The following ARNT variants were observed in gnomAD, a reference collection of about 807,000 sequenced individuals.
The protein encoded by ARNT is aryl hydrocarbon receptor nuclear translocator.
Under a neutral mutation model 105.0 loss-of-function variants are expected in ARNT, and 30 were observed. That is an observed-to-expected ratio of 0.29 (90% CI 0.21 to 0.39). The LOEUF (loss-of-function observed/expected upper bound fraction) is 0.39, where lower values mean the gene tolerates loss of function less well. Ranked by LOEUF, ARNT falls within the 10% of genes least tolerant of loss-of-function variation. The pLI is 1.00. For missense variants in ARNT, 748 were observed against 978.7 expected, an observed-to-expected ratio of 0.76 and a Z score of 3.15; for synonymous variants, 304 against 344.0, an observed-to-expected ratio of 0.88 and a Z score of 1.29.
chr1:150,818,938 A>C (rs1250560903), intron 14 of ARNT, among the ~76,000 whole-genome samples: 1 of 152,280 alleles, frequency 6.6e-6, no homozygotes, highest in East Asian at 1.9e-4. Context: ...AAAGATGCAA[A>C]GAGACAAAAA....
At chr1:150,861,258 G>A (rs1326970066) in intron 1 of ARNT, 3 of 428,828 alleles carry the variant, frequency 7.0e-6, no homozygotes, top group Non-Finnish European at 1.4e-5. Context: ...TGTAGTCCCA[G>A]CTACTCGGGG....
intron 1 of ARNT, among the ~76,000 whole-genome samples, chr1:150,861,478 G>T (rs1317419085): frequency 6.6e-6 from 1 of 152,234 alleles, no homozygotes; most frequent in Non-Finnish European, 1.5e-5. Context: ...AGTCAAGGGT[G>T]AGGGCAACCC....
chr1:150,846,617 A>T (rs1312053757), intron 3 of ARNT, among the ~76,000 whole-genome samples: 7 of 152,126 alleles, frequency 4.6e-5, no homozygotes, highest in African/African-American at 1.7e-4. Flanking sequence ...GTTTTTTTTT[A>T]ATTCTGGTAA....
At position 150,876,597 on chromosome 1, in the gene ARNT, C is replaced by CA. The variant is rs1201546486; in HGVS notation, c.-31_-30insT. The CA allele has an allele frequency of 1.7e-5, 3 of 180,060 alleles. No individual in the cohort carries two copies. Among genetic ancestry groups the CA allele is most frequent in the Non-Finnish European group, 2.2e-5 (3 of 134,044 alleles). 11.2% of individuals were successfully genotyped at this position (180,060 alleles called of 1,614,324 possible). On this transcript the variant is annotated 5_prime_UTR_variant, in exon 1 of 22. Coordinates refer to ENST00000358595, the MANE Select transcript of ARNT (RefSeq NM_001668.4). ...GCAGATGCCACCGCCGCCGCGCCACCCCCCCCCCCAGTGGGAGGAGCCGCC... is the reference window on the plus strand; with the variant it reads ...GCAGATGCCACCGCCGCCGCGCCACCACCCCCCCCCAGTGGGAGGAGCCGCC...
At position 150,811,759 on chromosome 1, in the gene ARNT, C is replaced by T. The variant is rs1256440754; in HGVS notation, c.*262G>A. On this transcript the variant is annotated 3_prime_UTR_variant, in exon 22 of 22. Transcript: ENST00000358595. Reference sequence around the variant, plus strand: ...CACTATACAATTTCAGGTCAGGAGACATAAGGAAAGGTGTTTTAACTTCAC... The same window carrying T: ...CACTATACAATTTCAGGTCAGGAGATATAAGGAAAGGTGTTTTAACTTCAC... The T allele has an allele frequency of 3.4e-6, 1 of 297,486 alleles. No homozygotes were observed. Among genetic ancestry groups the T allele is most frequent in the Non-Finnish European group, 6.2e-6 (1 of 160,292 alleles). The allele number at this position is 297,486 out of a possible 1,614,324, so 18.4% of individuals were successfully genotyped here.
chr1:150,842,402 C>T (rs201188010), intron 5 of ARNT, 22 bp downstream of exon 5: 2 of 1,609,568 alleles, frequency 1.2e-6, no homozygotes, highest in African/African-American at 2.7e-5. Context: ...CTTCATCATG[C>T]TAAAAGACAC....
intron 14 of ARNT, among the ~76,000 whole-genome samples, chr1:150,820,907 CCT>C (rs752325463): frequency 3.0e-4 from 46 of 152,114 alleles, no homozygotes; most frequent in Non-Finnish European, 6.0e-4. Context: ...GGCACTGACC[CCT>C]GTGCCATCGA....
At chr1:150,872,814 T>C (rs587670401) in intron 1 of ARNT, among the ~76,000 whole-genome samples, 1 of 151,862 alleles carries the variant, frequency 6.6e-6, no homozygotes, top group Admixed American at 6.6e-5. Context: ...AATTTAAAAT[T>C]AGCCAGCCAC....
At chr1:150,821,512 A>G (rs938559987) in intron 14 of ARNT, among the ~76,000 whole-genome samples, 11 of 152,266 alleles carry the variant, frequency 7.2e-5, no homozygotes, top group Non-Finnish European at 1.0e-4. Flanking sequence ...CCAAATTATT[A>G]CAACAGTACA....
At chr1:150,839,739 G>A in intron 5 of ARNT, 85 bp from the exon 6 acceptor site, 1 of 1,351,216 alleles carries the variant, frequency 7.4e-7, no homozygotes, top group Non-Finnish European at 1.0e-6. Flanking sequence ...TACCAAGTGT[G>A]CTGCTGAAGA....
intron 8 of ARNT, among the ~76,000 whole-genome samples, 187 bp from the exon 9 acceptor site, chr1:150,832,586 G>A (rs191746556): frequency 6.6e-6 from 1 of 152,312 alleles, no homozygotes; most frequent in East Asian, 1.9e-4. Context: ...AAGTCAAAAT[G>A]TTCCATATGT....
intron 10 of ARNT, chr1:150,831,355 G>A (rs1240418419): frequency 6.6e-6 from 1 of 152,502 alleles, no homozygotes; most frequent in Non-Finnish European, 1.5e-5. Flanking sequence ...TTCCTTGTTT[G>A]ACCTCAAGTT....
rs1251558585 is a variant in ARNT, at chr1:150,810,364, A to G, written c.*1657T>C. On this transcript the variant is annotated 3_prime_UTR_variant, in exon 22 of 22. Coordinates refer to ENST00000358595, the MANE Select transcript of ARNT (RefSeq NM_001668.4). The stretch of plus-strand genomic sequence containing the variant: ...TCGATTATTAAAAAACAAGGGTTCC[A>G]TTGGAAACTCAACTTTTTGGTTTCG... 8.8e-6 allele frequency: 2 copies of G among 227,402 alleles called. No individual in the cohort carries two copies. Among genetic ancestry groups the G allele is most frequent in the African/African-American group, 4.4e-5 (2 of 45,020 alleles). 14.1% of individuals were successfully genotyped at this position (227,402 alleles called of 1,614,324 possible). A position where few individuals can be genotyped will look rare whatever the true frequency, so the allele number is the denominator to read the frequency against.
rs587687418 is a variant in ARNT, at chr1:150,868,703, C to T, written c.25+7840G>A. 1.4e-3 allele frequency among the ~76,000 whole-genome samples: 218 copies of T among 151,954 alleles called. 2 individuals carry two copies. In the South Asian group the frequency reaches 0.031, roughly 22 times the overall value. ...GATCACGAGGTCAGGAGATCGAGAC[C>T]ATCCTGGCCAACATGGTGAAACCCC... On this transcript the variant is annotated intron_variant, in intron 1 of 21. Coordinates refer to ENST00000358595, the MANE Select transcript of ARNT (RefSeq NM_001668.4).
chr1:150,876,456 C>G, intron 1 of ARNT, 87 bp downstream of exon 1: 1 of 1,523,482 alleles, frequency 6.6e-7, no homozygotes, highest in East Asian at 2.7e-5. Context: ...TCAGCTCCAG[C>G]TGCGTCCCCT....
intron 1 of ARNT, among the ~76,000 whole-genome samples, chr1:150,875,266 A>T (rs761683931): frequency 1.9e-4 from 29 of 152,178 alleles, no homozygotes; most frequent in Non-Finnish European, 3.7e-4. Context: ...CTTCAAAAAA[A>T]ATTTAAAAGA....
At chr1:150,829,793 T>C in intron 11 of ARNT, 111 bp downstream of exon 11, 6 of 1,192,132 alleles carry the variant, frequency 5.0e-6, no homozygotes, top group South Asian at 1.4e-5. Context: ...TTTTGAGAGT[T>C]TTATGGAATT....
intron 15 of ARNT, 111 bp downstream of exon 15, chr1:150,817,809 T>G: frequency 1.2e-6 from 1 of 815,436 alleles, no homozygotes; most frequent in Non-Finnish European, 1.8e-6. Flanking sequence ...GCAAAACTCC[T>G]TCTCAAAAAA....
At chr1:150,827,016 T>C (rs893174371) in intron 12 of ARNT, among the ~76,000 whole-genome samples, 2 of 151,892 alleles carry the variant, frequency 1.3e-5, no homozygotes, top group Non-Finnish European at 1.5e-5. Flanking sequence ...TTATTTCTTC[T>C]GTTTTAATCC....
Sources: allele counts gnomAD v4.1 joint callset (sites outside exome capture counted in the v4.1 genomes callset), GRCh38; gene constraint gnomAD v4.1.1; transcripts MANE v1.5; gene names NCBI Gene and HGNC (gene_info 2026-07-23, HGNC 2026-07-21).